Variants in PHF3 observed in about 807,000 individuals in gnomAD.
The protein encoded by PHF3 is PHD finger protein 3.
A neutral mutation model predicts 178.4 loss-of-function variants in PHF3; 41 were observed. The observed-to-expected ratio is 0.23, with a 90% CI of 0.18 to 0.30. The LOEUF is 0.30. PHF3 is among the 10% of genes least tolerant of loss of function. The pLI is 1.00. For synonymous variants in PHF3, 842 were observed against 800.5 expected (o/e 1.05, Z -0.88); for missense variants, 2,346 against 2,398.1 (o/e 0.98, Z 0.45).
At position 63,635,854 on chromosome 6, in the gene PHF3, C is replaced by G. The variant is rs968057496; in HGVS notation, c.-322C>G. 5 of 396,726 alleles carry G rather than the reference C, an allele frequency of 1.3e-5. No individual in the cohort carries two copies. The Admixed American group carries it at 1.8e-4, about 14-fold the overall frequency. The allele number at this position is 396,726 out of a possible 1,614,324, so 24.6% of individuals were successfully genotyped here. On this transcript the variant is annotated 5_prime_UTR_variant, in exon 1 of 16. Coordinates refer to ENST00000262043, the MANE Select transcript of PHF3 (RefSeq NM_001370348.2). ...CCAGCTCCCGCGCCGCCGCCGCACGCCGATGGCTGCGGGGTCTCGCGCCGT... is the reference window on the plus strand; with the variant it reads ...CCAGCTCCCGCGCCGCCGCCGCACGGCGATGGCTGCGGGGTCTCGCGCCGT...
chr6:63,684,217 T>C lies in PHF3; in HGVS notation c.495T>C (p.Thr165=), dbSNP rs768402113. 4 of 1,613,896 alleles carry C rather than the reference T, an allele frequency of 2.5e-6. No homozygotes were observed. Among genetic ancestry groups the C allele is most frequent in the Non-Finnish European group, 2.5e-6 (3 of 1,179,902 alleles). The change falls in exon 4 of 16, where the codon ACT becomes ACC. Residue 165 remains threonine (T), a synonymous_variant. Transcript: ENST00000262043. The part of the protein sequence containing the change: ...LSNTKKASGK[T]VSTAKAGVKQ... Reference sequence around the variant, plus strand: ...ACACAAAAAAAGCATCTGGGAAGACTGTATCTACTGCTAAAGCAGGAGTGA... The same window carrying C: ...ACACAAAAAAAGCATCTGGGAAGACCGTATCTACTGCTAAAGCAGGAGTGA...
At chr6:63,657,182 C>G (rs137882716) in intron 2 of PHF3, among the ~76,000 whole-genome samples, 23 of 152,256 alleles carry the variant, frequency 1.5e-4, no homozygotes, top group Non-Finnish European at 3.2e-4. Flanking sequence ...ATATTTTCCA[C>G]CTCTTTGGAT....
intron 2 of PHF3, among the ~76,000 whole-genome samples, chr6:63,652,980 A>T (rs1765079677): frequency 1.5e-5 from 2 of 136,086 alleles, no homozygotes; most frequent in South Asian, 4.5e-4. Context: ...CTCCAGCTTT[A>T]TTATTATTAT....
At chr6:63,649,109 T>TATTTATTTATTC (rs1408948372) in intron 2 of PHF3, among the ~76,000 whole-genome samples, 1 of 151,554 alleles carries the variant, frequency 6.6e-6, no homozygotes, top group South Asian at 2.1e-4. Context: ...TTTATTTATT[T>TATTTATTTATTC]ATTCATTTAT....
Position 63,706,207 on chromosome 6 carries a change from G to A in PHF3, c.3546G>A (p.Thr1182=), listed in dbSNP as rs780778215. The change falls in exon 12 of 16, where the codon ACG becomes ACA. Residue 1182 remains threonine (T), a synonymous_variant. Coordinates refer to ENST00000262043, the MANE Select transcript of PHF3 (RefSeq NM_001370348.2). The part of the protein sequence containing the change: ...EEEKQESPKS[T]FSPAPRPEMP... ...AGAAACAGGAGTCTCCAAAGTCAAC[G>A]TTCTCTCCTGCTCCACGGTAATTTT... The A allele has an allele frequency of 3.7e-6, 6 of 1,612,492 alleles. No homozygotes were observed. The African/African-American group carries it at 4.0e-5, about 11-fold the overall frequency.
Position 63,646,806 on chromosome 6 carries a change from CTTTTTTTTTTTTT to C in PHF3, c.244+21_244+33del, listed in dbSNP as rs11285703. The C allele has an allele frequency of 3.2e-5, 32 of 1,013,540 alleles. No homozygotes were observed. Among genetic ancestry groups the C allele is most frequent in the Admixed American group, 5.6e-5 (1 of 17,904 alleles). 62.8% of individuals were successfully genotyped at this position (1,013,540 alleles called of 1,614,324 possible). ...TGCCTTGTTCAACAGGTAATTCTTA[CTTTTTTTTTTTTT>C]TTTTTTTTTAGTCTGCAATTTAAAA... On this transcript the variant is annotated intron_variant, in intron 2 of 15. Coordinates refer to ENST00000262043, the MANE Select transcript of PHF3 (RefSeq NM_001370348.2).
At position 63,646,541 on chromosome 6, in the gene PHF3, C is replaced by G; in HGVS notation, c.-11C>G. On this transcript the variant is annotated 5_prime_UTR_variant, in exon 2 of 16. Coordinates refer to ENST00000262043, the MANE Select transcript of PHF3 (RefSeq NM_001370348.2). ...TCTTTCTATAGGGCTGAAAGACACACAGAAGTCTTCATGGATATAGTTGAT... is the reference window on the plus strand; with the variant it reads ...TCTTTCTATAGGGCTGAAAGACACAGAGAAGTCTTCATGGATATAGTTGAT... The G allele has an allele frequency of 6.2e-7, 1 of 1,602,528 alleles. No homozygotes were observed. The highest frequency in any genetic ancestry group is 8.5e-7 in the Non-Finnish European group (1 of 1,172,714).
At chr6:63,671,837 A>C (rs1253356034) in intron 2 of PHF3, among the ~76,000 whole-genome samples, 1 of 152,108 alleles carries the variant, frequency 6.6e-6, no homozygotes. Context: ...ACCTTCGACT[A>C]CCTGGTTCAG....
chr6:63,661,064 A>G (rs1765446471), intron 2 of PHF3, among the ~76,000 whole-genome samples: 2 of 152,124 alleles, frequency 1.3e-5, no homozygotes, highest in Non-Finnish European at 2.9e-5. Flanking sequence ...GTAATGGGCT[A>G]GTTCATTAGT....
At chr6:63,655,922 C>T (rs949265132) in intron 2 of PHF3, among the ~76,000 whole-genome samples, 6 of 152,152 alleles carry the variant, frequency 3.9e-5, no homozygotes, top group Non-Finnish European at 5.9e-5. Context: ...GGATTACAGG[C>T]ATGAACCACT....
intron 1 of PHF3, 90 bp downstream of exon 1, chr6:63,636,240 T>C: frequency 3.2e-6 from 1 of 312,024 alleles, no homozygotes; most frequent in Non-Finnish European, 5.8e-6. Flanking sequence ...CGCGGGCCTC[T>C]CCGCCCCTCC....
rs1768152129 is a variant in PHF3, at chr6:63,715,286, A to C, written c.*1578A>C. 1 of 152,198 alleles carries C rather than the reference A, an allele frequency of 6.6e-6. No individual in the cohort carries two copies. The highest frequency in any genetic ancestry group is 1.5e-5 in the Non-Finnish European group (1 of 68,028). The allele number at this position is 152,198 out of a possible 1,614,324, so 9.4% of individuals were successfully genotyped here. On this transcript the variant is annotated 3_prime_UTR_variant, in exon 16 of 16. Coordinates refer to ENST00000262043, the MANE Select transcript of PHF3 (RefSeq NM_001370348.2). ...TTCTAAAACAGAGAACTTGTGTTTAAATAAAGCCCGTTTAACTTTGGTCCA... is the reference window on the plus strand; with the variant it reads ...TTCTAAAACAGAGAACTTGTGTTTACATAAAGCCCGTTTAACTTTGGTCCA...
In PHF3 at chr6:63,723,515, A is replaced by T. The variant is rs1041806030; in HGVS notation, c.*9807A>T. The stretch of plus-strand genomic sequence containing the variant: ...ATTTTATAGTGAAGAGCTACATTAG[A>T]ATAAAAAATATCTAAGAAATGATTA... On this transcript the variant is annotated 3_prime_UTR_variant, in exon 16 of 16. Transcript: ENST00000262043. Among the ~76,000 whole-genome samples, 1 of 152,098 alleles carries T rather than the reference A, an allele frequency of 6.6e-6. No individual in the cohort carries two copies. The highest frequency in any genetic ancestry group is 2.4e-5 in the African/African-American group (1 of 41,420).
rs1396688203 is a variant in PHF3, at chr6:63,713,309, G to C, written c.5721G>C (p.Gln1907His). The C allele has an allele frequency of 6.2e-7, 1 of 1,614,044 alleles. No homozygotes were observed. Among genetic ancestry groups the C allele is most frequent in the Non-Finnish European group, 8.5e-7 (1 of 1,179,978 alleles). Residue 1907 changes from glutamine to histidine, a missense_variant, in exon 16 of 16, where the codon CAG becomes CAC. By Grantham distance (24) the Gln-to-His change is conservative (BLOSUM62 0). Around this residue, in one of 8 missense-constraint regions of PHF3, gnomAD observed 839 missense variants for 806.9 expected, o/e 1.04. Transcript: ENST00000262043. Reference protein sequence around the residue: ...HSDPWGRQDQQQLDRPFNRGK... With the variant: ...HSDPWGRQDQHQLDRPFNRGK... ...ACCCTTGGGGTAGGCAAGACCAACAGCAACTGGATAGGCCATTTAATAGGG... is the reference window on the plus strand; with the variant it reads ...ACCCTTGGGGTAGGCAAGACCAACACCAACTGGATAGGCCATTTAATAGGG...
chr6:63,663,154 A>G (rs1582029773), intron 2 of PHF3, among the ~76,000 whole-genome samples: 1 of 152,192 alleles, frequency 6.6e-6, no homozygotes, highest in East Asian at 1.9e-4. Flanking sequence ...AAGCAAAGTA[A>G]ATAATAAAAT....
chr6:63,697,124 C>T (rs1002487275), intron 6 of PHF3, among the ~76,000 whole-genome samples: 4 of 151,656 alleles, frequency 2.6e-5, no homozygotes, highest in Non-Finnish European at 5.9e-5. Flanking sequence ...GTGTGAAACT[C>T]GGGAAGACAA....
In PHF3 at chr6:63,713,461, A is replaced by G; in HGVS notation, c.5873A>G (p.Asp1958Gly). Residue 1958 changes from aspartate (D) to glycine (G), a missense_variant, in exon 16 of 16, where the codon GAC (aspartate) becomes GGC (glycine). Asp to Gly is a moderately conservative substitution (Grantham distance 94, BLOSUM62 -1). This residue lies in a region of PHF3 where 839 missense variants were observed against 806.9 expected (regional missense o/e 1.04). Coordinates refer to ENST00000262043, the MANE Select transcript of PHF3 (RefSeq NM_001370348.2). ...GACAGAAGCCAAGACAAGGACAGAG[A>G]CAGAAAAAGCAGGGAGGAAGGGCAC... ...RRDRSQDKDR[D>G]RKSREEGHKD... 1 of 1,613,978 alleles carries G rather than the reference A, an allele frequency of 6.2e-7. No homozygotes were observed. The highest frequency in any genetic ancestry group is 8.5e-7 in the Non-Finnish European group (1 of 1,179,984).
At chr6:63,649,089 T>C (rs564133131) in intron 2 of PHF3, among the ~76,000 whole-genome samples, 117 of 147,880 alleles carry the variant, frequency 7.9e-4, no homozygotes, top group East Asian at 7.5e-3. Flanking sequence ...CTTATTTATT[T>C]ATTTATTTAT....
chr6:63,701,791 A>G (rs931232780), intron 9 of PHF3, among the ~76,000 whole-genome samples: 1 of 152,092 alleles, frequency 6.6e-6, no homozygotes, highest in African/African-American at 2.4e-5. Context: ...AAATATGCAC[A>G]TGCCACTCTT....
Sources: gnomAD v4.1 joint callset for allele counts (sites outside exome capture counted in the v4.1 genomes callset) on GRCh38, gnomAD v4.1.1 for gene constraint, gnomAD v4.1.1 regional missense constraint, MANE v1.5 for transcripts, NCBI Gene and HGNC (gene_info 2026-07-23, HGNC 2026-07-21) for gene names.